LRP1B: variants seen among roughly 807,000 people sequenced by gnomAD.
LRP1B encodes LDL receptor related protein 1B, also known as low-density lipoprotein receptor-related protein 1B.
Under a neutral mutation model 556.6 loss-of-function variants are expected in LRP1B, and 217 were observed. The observed-to-expected ratio is 0.39, with a 90% confidence interval of 0.35 to 0.44. LRP1B has a LOEUF of 0.44. Ranked by LOEUF, LRP1B falls within the 20% of genes least tolerant of loss-of-function variation. The pLI, the probability that LRP1B is intolerant of heterozygous loss-of-function variation, is 1.00. For missense variants in LRP1B, 5,053 were observed against 5,620.8 expected (o/e 0.90, Z 3.23); for synonymous variants, 2,047 against 1,865.8 (o/e 1.10, Z -2.50).
At chr2:141,962,667 G>A (rs939653875) in intron 1 of LRP1B, among the ~76,000 whole-genome samples, 2 of 151,714 alleles carry the variant, frequency 1.3e-5, no homozygotes, top group African/African-American at 2.4e-5. Context: ...AGTATGGCGA[G>A]AGACTCAATT....
At chr2:140,504,506 T>TA (rs1427062246) in intron 53 of LRP1B, among the ~76,000 whole-genome samples, 5 of 152,160 alleles carry the variant, frequency 3.3e-5, no homozygotes, top group Admixed American at 1.3e-4. Context: ...AAAATTAATA[T>TA]TACTTATCCT....
intron 1 of LRP1B, among the ~76,000 whole-genome samples, chr2:141,920,991 A>G (rs1192170545): frequency 1.3e-5 from 2 of 152,038 alleles, no homozygotes; most frequent in African/African-American, 4.8e-5. Context: ...TACTCCATGA[A>G]CATTCCTTCA....
intron 2 of LRP1B, among the ~76,000 whole-genome samples, chr2:141,606,813 T>C (rs1687931169): frequency 1.3e-5 from 2 of 152,194 alleles, no homozygotes; most frequent in African/African-American, 4.8e-5. Flanking sequence ...TTCTGTTGTT[T>C]AAGCCACCCA....
chr2:140,649,994 G>A (rs188463221), intron 41 of LRP1B, among the ~76,000 whole-genome samples: 1 of 152,138 alleles, frequency 6.6e-6, no homozygotes, highest in Non-Finnish European at 1.5e-5. Context: ...TGAAGCACTT[G>A]TAAACAAAGT....
At chr2:141,821,532 A>G (rs1696752160) in intron 1 of LRP1B, among the ~76,000 whole-genome samples, 1 of 152,152 alleles carries the variant, frequency 6.6e-6, no homozygotes, top group African/African-American at 2.4e-5. Flanking sequence ...TTTATGAAAA[A>G]CCTTATAAAT....
chr2:141,281,607 TAG>T (rs1427751644), intron 3 of LRP1B, among the ~76,000 whole-genome samples: 4 of 152,028 alleles, frequency 2.6e-5, no homozygotes, highest in African/African-American at 7.2e-5. Context: ...TTTCAAATAG[TAG>T]AGAGTCAGTA....
intron 3 of LRP1B, among the ~76,000 whole-genome samples, chr2:141,335,356 C>G (rs1687810077): frequency 6.6e-6 from 1 of 152,134 alleles, no homozygotes; most frequent in Non-Finnish European, 1.5e-5. Flanking sequence ...ACAACACACA[C>G]AAATATCAGG....
intron 2 of LRP1B, among the ~76,000 whole-genome samples, chr2:141,713,745 T>C (rs1285447363): frequency 6.6e-6 from 1 of 152,186 alleles, no homozygotes; most frequent in Non-Finnish European, 1.5e-5. Flanking sequence ...TTAAAATGCA[T>C]TATGTATTTT....
chr2:140,479,012 T>G (rs1688102795), intron 59 of LRP1B, among the ~76,000 whole-genome samples: 1 of 152,066 alleles, frequency 6.6e-6, no homozygotes, highest in Non-Finnish European at 1.5e-5. Flanking sequence ...TGTAAGTTAT[T>G]ACATGATTTG....
At chr2:142,066,720 T>C (rs72849830) in intron 1 of LRP1B, among the ~76,000 whole-genome samples, 10,409 of 151,502 alleles carry the variant, frequency 0.069, 475 homozygotes, top group Non-Finnish European at 0.094. Flanking sequence ...TATCATGCTC[T>C]TCAAAAGTTT....
intron 35 of LRP1B, among the ~76,000 whole-genome samples, chr2:140,719,961 C>G (rs1229559243): frequency 6.6e-6 from 1 of 151,932 alleles, no homozygotes; most frequent in Non-Finnish European, 1.5e-5. Context: ...CTTGGAGTAT[C>G]TGCAAAATAA....
At chr2:140,260,119 C>T (rs768309224) in intron 86 of LRP1B, among the ~76,000 whole-genome samples, 4 of 151,812 alleles carry the variant, frequency 2.6e-5, no homozygotes, top group African/African-American at 4.8e-5. Flanking sequence ...ACTAACATTG[C>T]TATCTTGTTT....
At chr2:140,609,669 G>T (rs1404401963) in intron 41 of LRP1B, among the ~76,000 whole-genome samples, 1 of 151,964 alleles carries the variant, frequency 6.6e-6, no homozygotes, top group East Asian at 1.9e-4. Flanking sequence ...TCTTTTTCTT[G>T]CTTTTTGCAT....
At chr2:141,252,942 G>T (rs1026175685) in intron 4 of LRP1B, among the ~76,000 whole-genome samples, 1 of 152,130 alleles carries the variant, frequency 6.6e-6, no homozygotes, top group Admixed American at 6.6e-5. Context: ...TTCCACAGAA[G>T]AAATTAATTA....
chr2:141,414,211 T>C (rs1573918268), intron 3 of LRP1B, among the ~76,000 whole-genome samples: 1 of 121,896 alleles, frequency 8.2e-6, no homozygotes, highest in South Asian at 2.5e-4. Context: ...CACTCCAGCC[T>C]GGGCGACAAG....
At chr2:140,429,175 G>T (rs529627871) in intron 66 of LRP1B, among the ~76,000 whole-genome samples, 9 of 151,994 alleles carry the variant, frequency 5.9e-5, no homozygotes, top group Non-Finnish European at 8.8e-5. Context: ...GTTATCACTC[G>T]CCTGCTACAG....
At chr2:141,586,891 G>A (rs570719701) in intron 2 of LRP1B, among the ~76,000 whole-genome samples, 8 of 148,808 alleles carry the variant, frequency 5.4e-5, no homozygotes, top group Non-Finnish European at 8.9e-5. Flanking sequence ...GCAGTGAGCC[G>A]AGATCGTGCC....
intron 1 of LRP1B, among the ~76,000 whole-genome samples, chr2:142,069,770 TA>T (rs1256797818): frequency 1.3e-5 from 2 of 151,766 alleles, no homozygotes; most frequent in African/African-American, 4.8e-5. Flanking sequence ...AAGAGGTAAA[TA>T]ATTCTATATG....
intron 2 of LRP1B, among the ~76,000 whole-genome samples, chr2:141,532,403 G>C (rs755341827): frequency 6.6e-6 from 1 of 151,454 alleles, no homozygotes; most frequent in Non-Finnish European, 1.5e-5. Context: ...CCTCAGTCTA[G>C]AAAATATCAA....
Sources: gnomAD v4.1 joint callset for allele counts (sites outside exome capture counted in the v4.1 genomes callset) on GRCh38, gnomAD v4.1.1 for gene constraint, MANE v1.5 for transcripts, NCBI Gene and HGNC (gene_info 2026-07-23, HGNC 2026-07-21) for gene names.